The following PRADC1 variants were observed in gnomAD, a reference collection of about 807,000 sequenced individuals.
PRADC1 encodes the protein protease associated domain containing 1.
A neutral mutation model predicts 22.9 loss-of-function variants in PRADC1; 23 were observed. That is an observed-to-expected ratio of 1.00 (90% CI 0.72 to 1.42). PRADC1 has a LOEUF of 1.42. Ranked by LOEUF, PRADC1 falls within the 40% of genes most tolerant of loss-of-function variation. The probability of loss-of-function intolerance (pLI) is 0.00; values close to 1 mark genes in which losing one functional copy is unlikely to be tolerated. For synonymous variants in PRADC1, 71 were observed against 100.3 expected (o/e 0.71, Z 1.75); for missense variants, 207 against 258.3 (o/e 0.80, Z 1.36).
At chr2:73,232,536 G>A (rs1295670141) in intron 1 of PRADC1, among the ~76,000 whole-genome samples, 1 of 149,048 alleles carries the variant, frequency 6.7e-6, no homozygotes, top group Non-Finnish European at 1.5e-5. Flanking sequence ...ACTCCCTCTC[G>A]GATACAAATA....
Position 73,229,456 on chromosome 2 carries a change from C to A in PRADC1, c.278+5G>T. 1.2e-6 allele frequency: 2 copies of A among 1,608,566 alleles called. No homozygotes were observed. Among genetic ancestry groups the A allele is most frequent in the Non-Finnish European group, 1.7e-6 (2 of 1,174,912 alleles). On this transcript the variant is annotated splice_donor_5th_base_variant and intron_variant, in intron 3 of 4. Coordinates refer to ENST00000258083, the MANE Select transcript of PRADC1 (RefSeq NM_032319.3). ...CTCCTCGTGTCCTGCCTGCCCACTC[C>A]TTACCCCCTCTCCACCAGAGCAATC...
rs932338178 is a variant in PRADC1, at chr2:73,228,600, G to A, written c.447-26C>T. 2 of 1,613,742 alleles carry A rather than the reference G, an allele frequency of 1.2e-6. No homozygotes were observed. Among genetic ancestry groups the A allele is most frequent in the African/African-American group, 1.3e-5 (1 of 74,932 alleles). On this transcript the variant is annotated intron_variant, in intron 4 of 4. Coordinates refer to ENST00000258083, the MANE Select transcript of PRADC1 (RefSeq NM_032319.3). This position sits in a 1 kb window ranked among gnomAD's most constrained non-coding sequence, Gnocchi z 4.0. The stretch of plus-strand genomic sequence containing the variant: ...CTGGGAGGGCATGAAGAGAGGTGGT[G>A]ACGGTCACTTTCTTGGTACCCCATC...
intron 1 of PRADC1, among the ~76,000 whole-genome samples, chr2:73,231,637 T>A (rs923524730): frequency 3.3e-5 from 5 of 150,482 alleles, no homozygotes; most frequent in African/African-American, 1.2e-4. Flanking sequence ...CCAGGCTGAT[T>A]TTTTTTTTTC....
chr2:73,233,066 C>T (rs1349310102), intron 1 of PRADC1, 28 bp downstream of exon 1: 1 of 1,530,114 alleles, frequency 6.5e-7, no homozygotes, highest in Admixed American at 1.9e-5. Flanking sequence ...CCCCGCCCTG[C>T]AACGCAGTCC....
intron 1 of PRADC1, 127 bp downstream of exon 1, chr2:73,232,967 G>T: frequency 9.0e-7 from 1 of 1,114,138 alleles, no homozygotes; most frequent in Non-Finnish European, 1.2e-6. Context: ...CCGGCCGCCC[G>T]CTCCCAGACC....
chr2:73,233,044 C>G (rs2103738639), intron 1 of PRADC1, 50 bp downstream of exon 1: 2 of 1,520,896 alleles, frequency 1.3e-6, no homozygotes, highest in Non-Finnish European at 1.8e-6. Context: ...CGCGCGCAAG[C>G]TGGACGGCCA....
chr2:73,233,216 T>C lies in PRADC1; in HGVS notation c.-56A>G, dbSNP rs1686703803. 1.3e-5 allele frequency: 15 copies of C among 1,187,186 alleles called. No individual in the cohort carries two copies. Among genetic ancestry groups the C allele is most frequent in the Non-Finnish European group, 1.7e-5 (15 of 906,998 alleles). The allele number at this position is 1,187,186 out of a possible 1,614,324, so 73.5% of individuals were successfully genotyped here. A position where few individuals can be genotyped will look rare whatever the true frequency, so the allele number is the denominator to read the frequency against. On this transcript the variant is annotated 5_prime_UTR_variant, in exon 1 of 5. Transcript: ENST00000258083. ...TTTCCTCTCGCCGCCCCGCCGCGCG[T>C]CGCTCGCAGGACTTCAGCCTGACAG...
chr2:73,228,834 G>C lies in PRADC1; in HGVS notation c.407C>G (p.Thr136Arg). The C allele has an allele frequency of 6.2e-7, 1 of 1,613,168 alleles. No homozygotes were observed. Among genetic ancestry groups the C allele is most frequent in the Non-Finnish European group, 8.5e-7 (1 of 1,179,938 alleles). Residue 136 changes from threonine (T) to arginine (R), a missense_variant, in exon 4 of 5, where the codon ACA (threonine) becomes AGA (arginine). Physicochemically the swap from Thr to Arg is moderately conservative, Grantham distance 71. Coordinates refer to ENST00000258083, the MANE Select transcript of PRADC1 (RefSeq NM_032319.3). The surrounding 1 kb of genome is among the most constrained non-coding windows in gnomAD (Gnocchi z 4.0). ...CAGGAAGAGGGCGGGGATGTCAGCT[G>C]TGCGCTGGGTACTGTCCTGGATCAT... ...VEMIQDSTQR[T>R]ADIPALFLLG...
At chr2:73,229,186 G>A (rs1166189264) in intron 3 of PRADC1, among the ~76,000 whole-genome samples, 1 of 151,840 alleles carries the variant, frequency 6.6e-6, no homozygotes, top group Non-Finnish European at 1.5e-5. Context: ...GCAGTGACGT[G>A]ATCTCGGCTC....
Position 73,230,693 on chromosome 2 carries a change from C to T in PRADC1, c.68-480G>A, listed in dbSNP as rs569967826. 5.9e-5 allele frequency among the ~76,000 whole-genome samples: 9 copies of T among 152,348 alleles called. No homozygotes were observed. In the East Asian group the frequency reaches 1.3e-3, roughly 23 times the overall value. On this transcript the variant is annotated intron_variant, in intron 1 of 4. Coordinates refer to ENST00000258083, the MANE Select transcript of PRADC1 (RefSeq NM_032319.3). ...TGCTCCCCAAGCAACAACCAGAAAT[C>T]GAAAACATCTTAGCAATTATGAGCA...
rs1686589764 is a variant in PRADC1 at position 73,229,512 on chromosome 2, T to A, written c.227A>T (p.Glu76Val). Residue 76 changes from glutamate to valine, a missense_variant, in exon 3 of 5, where the codon GAA (glutamate) becomes GTA (valine). Transcript: ENST00000258083. ...VPAEPPEACG[E>V]LSNGFFIQDQ... ...CTGGATGAAGAAACCGTTGCTGAGTTCCCCGCAGGCCTCTGGAGGTTCAGC... is the reference window on the plus strand; with the variant it reads ...CTGGATGAAGAAACCGTTGCTGAGTACCCCGCAGGCCTCTGGAGGTTCAGC... 2 of 1,613,932 alleles carry A rather than the reference T, an allele frequency of 1.2e-6. No homozygotes were observed. The highest frequency in any genetic ancestry group is 1.7e-6 in the Non-Finnish European group (2 of 1,180,026).
rs1279063070 is a variant in PRADC1 at position 73,230,104 on chromosome 2, T to G, written c.168+9A>C. On this transcript the variant is annotated intron_variant, in intron 2 of 4. Coordinates refer to ENST00000258083, the MANE Select transcript of PRADC1 (RefSeq NM_032319.3). Reference sequence around the variant, plus strand: ...GAGGATCAGAGATCAGGGGCCTCCCTTAACTTACAAAGATACCACCAAAGT... The same window carrying G: ...GAGGATCAGAGATCAGGGGCCTCCCGTAACTTACAAAGATACCACCAAAGT... 9 of 1,598,114 alleles carry G rather than the reference T, an allele frequency of 5.6e-6. No individual in the cohort carries two copies. The highest frequency in any genetic ancestry group is 7.7e-6 in the Non-Finnish European group (9 of 1,166,314).
chr2:73,229,461 C>T lies in PRADC1; in HGVS notation c.278G>A (p.Gly93Glu), dbSNP rs920293353. The change falls in exon 3 of 5, where the codon GGG (glycine) becomes GAG (glutamate). Residue 93 changes from glycine to glutamate, a missense_variant and splice_region_variant. Coordinates refer to ENST00000258083, the MANE Select transcript of PRADC1 (RefSeq NM_032319.3). Reference sequence around the variant, plus strand: ...CGTGTCCTGCCTGCCCACTCCTTACCCCCTCTCCACCAGAGCAATCTGGTC... The same window carrying T: ...CGTGTCCTGCCTGCCCACTCCTTACTCCCTCTCCACCAGAGCAATCTGGTC... ...IQDQIALVER[G>E]GCSFLSKTRV... 9 of 1,561,208 alleles carry T rather than the reference C, an allele frequency of 5.8e-6. No homozygotes were observed. Among genetic ancestry groups the T allele is most frequent in the Non-Finnish European group, 6.1e-6 (7 of 1,151,172 alleles).
At chr2:73,231,834 G>T (rs141271584) in intron 1 of PRADC1, among the ~76,000 whole-genome samples, 1 of 152,240 alleles carries the variant, frequency 6.6e-6, no homozygotes, top group Non-Finnish European at 1.5e-5. Context: ...CTTGCACAGT[G>T]GCTACAATAT....
rs1207888394 is a variant in PRADC1 at position 73,233,217 on chromosome 2, C to A, written c.-57G>T. Reference sequence around the variant, plus strand: ...TTCCTCTCGCCGCCCCGCCGCGCGTCGCTCGCAGGACTTCAGCCTGACAGC... The same window carrying A: ...TTCCTCTCGCCGCCCCGCCGCGCGTAGCTCGCAGGACTTCAGCCTGACAGC... On this transcript the variant is annotated 5_prime_UTR_variant, in exon 1 of 5. Transcript: ENST00000258083. 11 of 1,181,750 alleles carry A rather than the reference C, an allele frequency of 9.3e-6. No individual in the cohort carries two copies. Among genetic ancestry groups the A allele is most frequent in the South Asian group, 3.7e-5 (2 of 53,850 alleles). The allele number at this position is 1,181,750 out of a possible 1,614,324, so 73.2% of individuals were successfully genotyped here. A position where few individuals can be genotyped will look rare whatever the true frequency, so the allele number is the denominator to read the frequency against.
intron 2 of PRADC1, chr2:73,229,823 C>T: frequency 1.7e-6 from 1 of 587,496 alleles, no homozygotes; most frequent in South Asian, 2.0e-5. Flanking sequence ...AAGTGATGTG[C>T]CTTAAGTCAC....
Position 73,228,360 on chromosome 2 carries a change from C to G in PRADC1, c.*94G>C. On this transcript the variant is annotated 3_prime_UTR_variant, in exon 5 of 5. Coordinates refer to ENST00000258083, the MANE Select transcript of PRADC1 (RefSeq NM_032319.3). This position sits in a 1 kb window ranked among gnomAD's most constrained non-coding sequence, Gnocchi z 4.0. ...TTCCTCTACCTGGCTCCACTTGTCC[C>G]CAGATGCTATCTCCAAATTCCAAGT... The G allele has an allele frequency of 2.0e-6, 3 of 1,512,976 alleles. No homozygotes were observed. Among genetic ancestry groups the G allele is most frequent in the South Asian group, 1.2e-5 (1 of 83,280 alleles). The allele number at this position is 1,512,976 out of a possible 1,614,324, so 93.7% of individuals were successfully genotyped here.
rs150344700 is a variant in PRADC1, at chr2:73,231,862, C to T, written c.67+1232G>A. Among the ~76,000 whole-genome samples, 321 of 152,320 alleles carry T rather than the reference C, an allele frequency of 2.1e-3. 3 individuals carry two copies. Among genetic ancestry groups the T allele is most frequent in the African/African-American group, 7.5e-3 (311 of 41,560 alleles). On this transcript the variant is annotated intron_variant, in intron 1 of 4. Coordinates refer to ENST00000258083, the MANE Select transcript of PRADC1 (RefSeq NM_032319.3). ...TACAATATAGGGATAGCCCTATAAA[C>T]TTTCCTGAATGGGTGAACAACTATA...
intron 1 of PRADC1, among the ~76,000 whole-genome samples, chr2:73,232,336 CAAAAAAAAAA>C (rs70965721): frequency 7.7e-6 from 1 of 129,128 alleles, no homozygotes; most frequent in African/African-American, 2.8e-5. Context: ...GACTCCGTCT[CAAAAAAAAAA>C]AAAAGAAAAA....
Sources: gnomAD v4.1 joint callset for allele counts (sites outside exome capture counted in the v4.1 genomes callset) on GRCh38, gnomAD v4.1.1 for gene constraint, Gnocchi (gnomAD v3.1) non-coding constraint, MANE v1.5 for transcripts, NCBI Gene and HGNC (gene_info 2026-07-23, HGNC 2026-07-21) for gene names.